Variants in KIN observed in about 807,000 individuals in gnomAD.
KIN encodes Kin17 DNA and RNA binding protein.
In KIN, 47 loss-of-function variants were observed where a neutral mutation model predicts 63.0. The observed-to-expected ratio is 0.75, with a 90% CI of 0.59 to 0.95. The LOEUF (loss-of-function observed/expected upper bound fraction) is 0.95, where lower values mean the gene tolerates loss of function less well. Ranked by LOEUF, KIN falls within the 40% of genes least tolerant of loss-of-function variation. The pLI, the probability that KIN is intolerant of heterozygous loss-of-function variation, is 0.00. For synonymous variants in KIN, 160 were observed against 157.7 expected (o/e 1.01, Z -0.11); for missense variants, 408 against 460.9 (o/e 0.89, Z 1.05).
At position 7,753,202 on chromosome 10, in the gene KIN, A is replaced by G. The variant is rs574059962; in HGVS notation, c.*2878T>C. 2.3e-4 allele frequency: 35 copies of G among 152,346 alleles called. No homozygotes were observed. The highest frequency in any genetic ancestry group is 8.2e-4 in the African/African-American group (34 of 41,570). The allele number at this position is 152,346 out of a possible 1,614,324, so 9.4% of individuals were successfully genotyped here. A position where few individuals can be genotyped will look rare whatever the true frequency, so the allele number is the denominator to read the frequency against. On this transcript the variant is annotated 3_prime_UTR_variant, in exon 13 of 13. Coordinates refer to ENST00000379562, the MANE Select transcript of KIN (RefSeq NM_012311.4). ...GGGAAAAAACTACTGTGAAGTCTAT[A>G]ATCGTATTTTTATGCTTCAGATATT... is the stretch of plus-strand genomic sequence containing the variant.
chr10:7,774,971 G>T, intron 6 of KIN, 80 bp from the exon 7 acceptor site: 1 of 992,902 alleles, frequency 1.0e-6, no homozygotes, highest in Non-Finnish European at 1.6e-6. Flanking sequence ...ACTACAAAGT[G>T]TTCACAGAGG....
Position 7,774,812 on chromosome 10 carries a change from C to A in KIN, c.668+19G>T. On this transcript the variant is annotated intron_variant, in intron 7 of 12. Transcript: ENST00000379562. ...AAAAATCCTAATGTTTTAAGATATC[C>A]GTGAATGATGCAGCTCACCTTGACT... is the stretch of plus-strand genomic sequence containing the variant. 6.3e-7 allele frequency: 1 copy of A among 1,584,994 alleles called. No individual in the cohort carries two copies. Among genetic ancestry groups the A allele is most frequent in the South Asian group, 1.1e-5 (1 of 90,254 alleles).
intron 6 of KIN, among the ~76,000 whole-genome samples, chr10:7,775,332 T>C (rs1179374737): frequency 6.6e-6 from 1 of 152,218 alleles, no homozygotes; most frequent in Non-Finnish European, 1.5e-5. Flanking sequence ...AGGAAATCTA[T>C]TGAAGGGAGG....
chr10:7,755,648 GAATT>G lies in KIN; in HGVS notation c.*428_*431del, dbSNP rs1835318820. The stretch of plus-strand genomic sequence containing the variant: ...TAAATGAGTGAACTGTATGGTATAT[GAATT>G]ATTACCACAATAAAGCTGCTTCTAT... On this transcript the variant is annotated 3_prime_UTR_variant, in exon 13 of 13. Transcript: ENST00000379562. 1 of 152,738 alleles carries G rather than the reference GAATT, an allele frequency of 6.5e-6. No individual in the cohort carries two copies. The highest frequency in any genetic ancestry group is 1.5e-5 in the Non-Finnish European group (1 of 68,448). The allele number at this position is 152,738 out of a possible 1,614,324, so 9.5% of individuals were successfully genotyped here.
At chr10:7,758,941 A>G (rs909253902) in intron 12 of KIN, among the ~76,000 whole-genome samples, 4 of 152,274 alleles carry the variant, frequency 2.6e-5, no homozygotes, top group African/African-American at 9.6e-5. Context: ...AAAGAAAAAA[A>G]AAAAGGAGAA....
intron 12 of KIN, among the ~76,000 whole-genome samples, chr10:7,757,241 G>A (rs1456763999): frequency 6.6e-6 from 1 of 152,180 alleles, no homozygotes; most frequent in African/African-American, 2.4e-5. Context: ...GCTCACATCT[G>A]TAATCCCAGC....
chr10:7,767,865 CAAAAAAA>C (rs59238687), intron 8 of KIN, among the ~76,000 whole-genome samples: 1 of 69,102 alleles, frequency 1.4e-5, no homozygotes, highest in Non-Finnish European at 3.3e-5. Flanking sequence ...GACTCCGTCT[CAAAAAAA>C]AAAAAAAAAA....
intron 11 of KIN, 130 bp from the exon 12 acceptor site, chr10:7,760,120 A>G: frequency 3.9e-6 from 2 of 513,108 alleles, no homozygotes; most frequent in Non-Finnish European, 6.7e-6. Flanking sequence ...AGAAGTTCTC[A>G]ATCATTTAAG....
At chr10:7,786,277 T>C (rs1295718312) in intron 1 of KIN, among the ~76,000 whole-genome samples, 2 of 152,248 alleles carry the variant, frequency 1.3e-5, no homozygotes, top group Non-Finnish European at 2.9e-5. Context: ...CTTCTATTAA[T>C]TGTGTTATGT....
chr10:7,775,936 T>G, intron 5 of KIN, 137 bp from the exon 6 acceptor site: 1 of 514,764 alleles, frequency 1.9e-6, no homozygotes, highest in South Asian at 2.5e-5. Flanking sequence ...ATTAAGAAAT[T>G]ACATGCTTTC....
chr10:7,774,291 C>A (rs1207131855), intron 7 of KIN, among the ~76,000 whole-genome samples: 3 of 152,180 alleles, frequency 2.0e-5, no homozygotes, highest in East Asian at 3.8e-4. Context: ...GGTTGATAAT[C>A]TCTATTCTCA....
intron 1 of KIN, among the ~76,000 whole-genome samples, chr10:7,785,814 A>T (rs1280233262): frequency 7.3e-4 from 46 of 63,268 alleles, no homozygotes; most frequent in Admixed American, 1.1e-3. Flanking sequence ...CTCTGTCTAG[A>T]AAAAAAAAAA....
intron 12 of KIN, among the ~76,000 whole-genome samples, chr10:7,758,918 T>C (rs11255344): frequency 0.2 from 30,718 of 151,638 alleles, 3,156 homozygotes; most frequent in Admixed American, 0.25. Flanking sequence ...TAGGTTAGCA[T>C]TGTCAGGATC....
At chr10:7,772,156 A>C (rs544451374) in intron 7 of KIN, among the ~76,000 whole-genome samples, 47 of 152,276 alleles carry the variant, frequency 3.1e-4, no homozygotes, top group African/African-American at 1.1e-3. Flanking sequence ...AAAGTCACTT[A>C]ATAGTATGTA....
Position 7,763,210 on chromosome 10 carries a change from C to T in KIN, c.918+513G>A, listed in dbSNP as rs948501113. Among the ~76,000 whole-genome samples the T allele has an allele frequency of 3.9e-5, 6 of 152,088 alleles. No homozygotes were observed. The South Asian group carries it at 1.0e-3, about 26-fold the overall frequency. On this transcript the variant is annotated intron_variant, in intron 10 of 12. Coordinates refer to ENST00000379562, the MANE Select transcript of KIN (RefSeq NM_012311.4). ...GGCGATGGTTGCAATGAGCTGAGAT[C>T]GCACCACTGCACTCCAGCCTGGGCA...
intron 8 of KIN, among the ~76,000 whole-genome samples, chr10:7,768,291 A>G (rs1451860951): frequency 3.9e-5 from 6 of 152,154 alleles, no homozygotes; most frequent in East Asian, 1.9e-4. Context: ...AGGTCAAGGT[A>G]GGCAGATCAT....
rs1347078169 is a variant in KIN at position 7,780,437 on chromosome 10, C to G, written c.210-130G>C. 49 of 698,912 alleles carry G rather than the reference C, an allele frequency of 7.0e-5. No homozygotes were observed. In the East Asian group the frequency reaches 1.3e-3, roughly 19 times the overall value. 43.3% of individuals were successfully genotyped at this position (698,912 alleles called of 1,614,324 possible). A position where few individuals can be genotyped will look rare whatever the true frequency, so the allele number is the denominator to read the frequency against. ...GAGACAGAGTCTCGTTCTCGTCACC[C>G]AAGCTGGAGTGCAATAGTGTGATCT... On this transcript the variant is annotated intron_variant, in intron 2 of 12. Transcript: ENST00000379562.
intron 12 of KIN, among the ~76,000 whole-genome samples, chr10:7,757,774 C>G (rs1835360313): frequency 1.3e-5 from 2 of 152,154 alleles, no homozygotes; most frequent in South Asian, 4.2e-4. Context: ...TGGTCAATTA[C>G]ATTTTTCTGA....
At position 7,754,055 on chromosome 10, in the gene KIN, C is replaced by A. The variant is rs771414913; in HGVS notation, c.*2025G>T. ...TTGTAGAAGATCAACTCAGGCAAGG[C>A]GTGGTAGCTCACACCTGTAATCACA... On this transcript the variant is annotated 3_prime_UTR_variant, in exon 13 of 13. Transcript: ENST00000379562. 2.6e-5 allele frequency: 12 copies of A among 455,866 alleles called. No homozygotes were observed. Among genetic ancestry groups the A allele is most frequent in the Non-Finnish European group, 4.4e-5 (10 of 226,788 alleles). 28.2% of individuals were successfully genotyped at this position (455,866 alleles called of 1,614,324 possible).
Sources: gnomAD v4.1 joint callset for allele counts (sites outside exome capture counted in the v4.1 genomes callset) on GRCh38, gnomAD v4.1.1 for gene constraint, MANE v1.5 for transcripts, NCBI Gene and HGNC (gene_info 2026-07-23, HGNC 2026-07-21) for gene names.